NUP210L: variants seen among roughly 807,000 people sequenced by gnomAD.
NUP210L encodes the protein nuclear pore membrane glycoprotein 210-like.
In NUP210L, 74 loss-of-function variants were observed where a neutral mutation model predicts 208.5. The ratio of observed to expected loss-of-function variants is 0.35; its 90% confidence interval spans 0.29 to 0.43. The LOEUF (loss-of-function observed/expected upper bound fraction) is 0.43. NUP210L is among the 20% of genes least tolerant of loss of function. The pLI, the probability that NUP210L is intolerant of heterozygous loss-of-function variation, is 1.00. For synonymous variants in NUP210L, 780 were observed against 816.9 expected (o/e 0.95, Z 0.77); for missense variants, 1,843 against 2,289.4 (o/e 0.81, Z 3.98).
At chr1:154,036,714 G>A (rs1553225773) in intron 27 of NUP210L, among the ~76,000 whole-genome samples, 1 of 151,942 alleles carries the variant, frequency 6.6e-6, no homozygotes, top group Non-Finnish European at 1.5e-5. Context: ...TGCTCAGGCT[G>A]GAGTGCAGGG....
chr1:153,994,940 C>T (rs895309780), intron 38 of NUP210L, 136 bp downstream of exon 38: 9 of 536,116 alleles, frequency 1.7e-5, no homozygotes, highest in South Asian at 4.5e-5. Flanking sequence ...TGAACTCGGG[C>T]GGCAGAGGTT....
chr1:154,134,121 G>T (rs1055444288), intron 7 of NUP210L, among the ~76,000 whole-genome samples: 1 of 150,400 alleles, frequency 6.6e-6, no homozygotes, highest in Non-Finnish European at 1.5e-5. Context: ...CTGCACTCCA[G>T]CTTGGGCAAC....
chr1:154,046,229 A>G, intron 26 of NUP210L, 29 bp from the exon 27 acceptor site: 4 of 1,613,952 alleles, frequency 2.5e-6, no homozygotes, highest in Non-Finnish European at 3.4e-6. Flanking sequence ...ATTGTGCTAT[A>G]TATTCTGCCC....
At chr1:154,141,436 T>C (rs1054122125) in exon 4 of NUP210L, 11 of 1,595,730 alleles carry the variant, frequency 6.9e-6, no homozygotes, top group Non-Finnish European at 9.5e-6. Flanking sequence ...TTTACCTAAT[T>C]TTGCTAGACA....
At chr1:154,089,696 G>T (rs1464697845) in intron 15 of NUP210L, 102 bp from the exon 16 acceptor site, 1 of 923,448 alleles carries the variant, frequency 1.1e-6, no homozygotes. Context: ...AGTATAGAGA[G>T]TCCCTTTCAC....
In NUP210L at chr1:154,031,486, CT is replaced by C. The variant is rs1284526467; in HGVS notation, c.3697-1433del. 4.6e-5 allele frequency among the ~76,000 whole-genome samples: 7 copies of C among 152,206 alleles called. No individual in the cohort carries two copies. In the East Asian group the frequency reaches 1.2e-3, roughly 25 times the overall value. On this transcript the variant is annotated intron_variant, in intron 27 of 39. Coordinates refer to ENST00000368559, the Ensembl canonical transcript of NUP210L. ...TTATTCATTTAATCATTTAATCTAA[CT>C]ATATTTTTGTACTAATTAAGCATCC... is the stretch of plus-strand genomic sequence containing the variant.
chr1:154,004,321 A>G (rs929549006), intron 35 of NUP210L, among the ~76,000 whole-genome samples: 1 of 151,774 alleles, frequency 6.6e-6, no homozygotes, highest in African/African-American at 2.4e-5. Flanking sequence ...CACCTGCCTC[A>G]GCCTCTCAAA....
intron 35 of NUP210L, among the ~76,000 whole-genome samples, chr1:154,002,912 C>A (rs1650300991): frequency 6.6e-6 from 1 of 151,920 alleles, no homozygotes; most frequent in African/African-American, 2.4e-5. Context: ...CTTTGAGCAT[C>A]ATTAATAACT....
chr1:154,114,778 TG>T (rs34339959), intron 12 of NUP210L, among the ~76,000 whole-genome samples: 94,271 of 140,260 alleles, frequency 0.67, 31,584 homozygotes, highest in African/African-American at 0.81. Context: ...TTTTAAGAGA[TG>T]GGGGGGGGGG....
intron 12 of NUP210L, among the ~76,000 whole-genome samples, chr1:154,111,337 C>T (rs568565588): frequency 2.6e-5 from 4 of 151,278 alleles, no homozygotes; most frequent in Non-Finnish European, 5.9e-5. Context: ...GAGCCCAGAT[C>T]GCACCACTGC....
intron 27 of NUP210L, among the ~76,000 whole-genome samples, chr1:154,030,783 G>A (rs1398714034): frequency 1.3e-5 from 2 of 151,718 alleles, no homozygotes; most frequent in Non-Finnish European, 2.9e-5. Flanking sequence ...CAAGGCTGGA[G>A]TGCAGTGGTG....
chr1:154,129,949 C>A (rs556210736), intron 7 of NUP210L, among the ~76,000 whole-genome samples: 2 of 152,288 alleles, frequency 1.3e-5, no homozygotes, highest in East Asian at 3.9e-4. Context: ...TAAATTTATT[C>A]CAGTATCAGT....
In NUP210L at chr1:154,052,540, G is replaced by A. The variant is rs147018692; in HGVS notation, c.3483+1688C>T. 1.8e-4 allele frequency among the ~76,000 whole-genome samples: 28 copies of A among 152,280 alleles called. 1 individual carries two copies. Among genetic ancestry groups the A allele is most frequent in the African/African-American group, 6.7e-4 (28 of 41,546 alleles). On this transcript the variant is annotated intron_variant, in intron 25 of 39. Coordinates refer to ENST00000368559, the Ensembl canonical transcript of NUP210L. ...AATAGTTATGATAGTGGTGATCACC[G>A]TTGCTCTGAGTATTCCTTCAACAAG...
At chr1:154,032,252 T>C (rs1301365604) in intron 27 of NUP210L, among the ~76,000 whole-genome samples, 2 of 152,156 alleles carry the variant, frequency 1.3e-5, no homozygotes, top group East Asian at 3.8e-4. Context: ...TATGGTAGTT[T>C]TATATTTAGT....
At chr1:154,110,633 C>A (rs1483077413) in intron 12 of NUP210L, among the ~76,000 whole-genome samples, 2 of 151,490 alleles carry the variant, frequency 1.3e-5, no homozygotes, top group Non-Finnish European at 1.5e-5. Context: ...AATCCCAATA[C>A]TTTTGGAGGC....
At chr1:154,072,622 G>A (rs531270386) in intron 16 of NUP210L, among the ~76,000 whole-genome samples, 21 of 152,104 alleles carry the variant, frequency 1.4e-4, no homozygotes, top group Admixed American at 7.2e-4. Context: ...GTGAGCCACC[G>A]CGCCTGGCAA....
chr1:154,000,431 T>C (rs1357837196), intron 37 of NUP210L, among the ~76,000 whole-genome samples: 1 of 152,208 alleles, frequency 6.6e-6, no homozygotes, highest in African/African-American at 2.4e-5. Context: ...GGAAGCACTT[T>C]CCAGCTTCTT....
At chr1:154,085,888 G>A (rs1655598217) in intron 16 of NUP210L, among the ~76,000 whole-genome samples, 1 of 152,144 alleles carries the variant, frequency 6.6e-6, no homozygotes, top group Admixed American at 6.6e-5. Flanking sequence ...AACAAATGGT[G>A]CTGTGTCAAG....
At chr1:154,148,352 G>C (rs778103809) in intron 2 of NUP210L, among the ~76,000 whole-genome samples, 1 of 151,962 alleles carries the variant, frequency 6.6e-6, no homozygotes, top group Non-Finnish European at 1.5e-5. Flanking sequence ...GCATGGTGGC[G>C]TGTGCCTGCA....
Sources: gnomAD v4.1 joint callset for allele counts (sites outside exome capture counted in the v4.1 genomes callset) on GRCh38, gnomAD v4.1.1 for gene constraint, MANE v1.5 for transcripts, NCBI Gene and HGNC (gene_info 2026-07-23, HGNC 2026-07-21) for gene names.